The following CAMK4 variants were observed in gnomAD, a reference collection of about 807,000 sequenced individuals.
The protein encoded by CAMK4 is calcium/calmodulin dependent protein kinase IV, also known as calcium/calmodulin-dependent protein kinase type IV.
CAMK4 carries 22 observed loss-of-function variants against 44.9 expected under a neutral mutation model. The observed-to-expected ratio is 0.49, with a 90% CI of 0.35 to 0.70. The LOEUF (loss-of-function observed/expected upper bound fraction) is 0.70, where lower values mean the gene tolerates loss of function less well. CAMK4 is among the 30% of genes least tolerant of loss of function. CAMK4 has a pLI of 0.01. For missense variants in CAMK4, 498 were observed against 586.8 expected (o/e 0.85, Z 1.56); for synonymous variants, 218 against 215.4 (o/e 1.01, Z -0.11).
chr5:111,438,623 G>A (rs1333451479), intron 5 of CAMK4, among the ~76,000 whole-genome samples: 2 of 152,016 alleles, frequency 1.3e-5, no homozygotes, highest in Non-Finnish European at 2.9e-5. Context: ...AGTAGCAGAA[G>A]GAAAGAGTAG....
intron 1 of CAMK4, among the ~76,000 whole-genome samples, chr5:111,263,957 C>T (rs917987894): frequency 6.6e-6 from 1 of 152,178 alleles, no homozygotes; most frequent in African/African-American, 2.4e-5. Context: ...CTCACCTCTT[C>T]CCATTCTTCC....
intron 1 of CAMK4, among the ~76,000 whole-genome samples, chr5:111,295,873 A>G (rs1355753792): frequency 2.0e-5 from 3 of 152,224 alleles, no homozygotes; most frequent in Non-Finnish European, 2.9e-5. Context: ...GTTGAAGCAT[A>G]TAACAAAAAT....
chr5:111,417,751 C>T (rs1300716832), intron 5 of CAMK4, among the ~76,000 whole-genome samples: 6 of 152,056 alleles, frequency 3.9e-5, no homozygotes, highest in Non-Finnish European at 7.4e-5. Context: ...ATAAGATCTC[C>T]GTGACAAATG....
At chr5:111,253,393 C>T (rs973182314) in intron 1 of CAMK4, among the ~76,000 whole-genome samples, 14 of 152,198 alleles carry the variant, frequency 9.2e-5, no homozygotes, top group Admixed American at 7.2e-4. Context: ...GGAGGAGAGA[C>T]ATTTCCAGTT....
intron 4 of CAMK4, among the ~76,000 whole-genome samples, chr5:111,392,035 A>G (rs1172589666): frequency 1.0e-5 from 1 of 98,392 alleles, no homozygotes; most frequent in Non-Finnish European, 2.0e-5. Context: ...CAAGAAGTTT[A>G]TCTTTTTCAA....
intron 7 of CAMK4, among the ~76,000 whole-genome samples, chr5:111,471,175 A>G (rs749567823): frequency 2.6e-5 from 4 of 152,178 alleles, no homozygotes; most frequent in Non-Finnish European, 4.4e-5. Context: ...TTTTGTCTGC[A>G]TCGATCTGGA....
chr5:111,466,348 A>G (rs999509280), intron 7 of CAMK4, among the ~76,000 whole-genome samples: 1 of 152,200 alleles, frequency 6.6e-6, no homozygotes, highest in Non-Finnish European at 1.5e-5. Context: ...AGTCCTAGCC[A>G]GAGCAATCAG....
At chr5:111,376,604 G>A (rs1334041943) in intron 3 of CAMK4, among the ~76,000 whole-genome samples, 1 of 151,950 alleles carries the variant, frequency 6.6e-6, no homozygotes, top group Non-Finnish European at 1.5e-5. Context: ...TGTTTCCAAG[G>A]CAGACATCTT....
At chr5:111,459,871 A>G (rs909934487) in intron 7 of CAMK4, among the ~76,000 whole-genome samples, 1 of 151,738 alleles carries the variant, frequency 6.6e-6, no homozygotes, top group Admixed American at 6.6e-5. Context: ...TTTTAATGTA[A>G]TGGTAATCCT....
rs565156029 is a variant in CAMK4 at position 111,271,209 on chromosome 5, G to A, written c.161+46565G>A. ...AAACCATATCAATGAGTATGTCAGTGGAACACGTATCTGGTAATATTTAAG... is the reference window on the plus strand; with the variant it reads ...AAACCATATCAATGAGTATGTCAGTAGAACACGTATCTGGTAATATTTAAG... On this transcript the variant is annotated intron_variant, in intron 1 of 10. Transcript: ENST00000282356. 2.0e-5 allele frequency among the ~76,000 whole-genome samples: 3 copies of A among 152,154 alleles called. No homozygotes were observed. The South Asian group carries it at 6.2e-4, about 32-fold the overall frequency.
intron 1 of CAMK4, among the ~76,000 whole-genome samples, chr5:111,318,847 A>G (rs1748542271): frequency 6.6e-6 from 1 of 152,166 alleles, no homozygotes; most frequent in Non-Finnish European, 1.5e-5. Flanking sequence ...TAATTTTATC[A>G]GTCTTATGAT....
chr5:111,418,684 C>T (rs1163476810), intron 5 of CAMK4, among the ~76,000 whole-genome samples: 2 of 142,260 alleles, frequency 1.4e-5, no homozygotes, highest in East Asian at 4.4e-4. Flanking sequence ...TGAGTGAGAA[C>T]ATGCGGTGTT....
chr5:111,365,041 AC>A (rs1452514542), intron 2 of CAMK4: 1 of 152,170 alleles, frequency 6.6e-6, no homozygotes, highest in Non-Finnish European at 1.5e-5. Flanking sequence ...GCCTAAACTC[AC>A]ACTGAAAAAT....
chr5:111,245,846 ACCTATC>A (rs1749210526), intron 1 of CAMK4, among the ~76,000 whole-genome samples: 2 of 152,226 alleles, frequency 1.3e-5, no homozygotes, highest in Non-Finnish European at 2.9e-5. Flanking sequence ...ATGTGAACAA[ACCTATC>A]AGCCACAGGA....
intron 1 of CAMK4, among the ~76,000 whole-genome samples, chr5:111,327,371 G>A (rs1390500193): frequency 6.6e-6 from 1 of 151,778 alleles, no homozygotes; most frequent in Admixed American, 6.6e-5. Context: ...GTATTCCATG[G>A]TGTATATGTG....
At chr5:111,442,001 G>A (rs1479767048) in intron 5 of CAMK4, among the ~76,000 whole-genome samples, 1 of 152,138 alleles carries the variant, frequency 6.6e-6, no homozygotes, top group African/African-American at 2.4e-5. Context: ...GATGATATTA[G>A]AAGTGTGTAT....
chr5:111,275,094 A>G (rs1431141895), intron 1 of CAMK4, among the ~76,000 whole-genome samples: 1 of 152,194 alleles, frequency 6.6e-6, no homozygotes, highest in Non-Finnish European at 1.5e-5. Context: ...TCAGACTAAC[A>G]TATCCATCAC....
At chr5:111,331,609 C>G (rs1749170622) in intron 1 of CAMK4, among the ~76,000 whole-genome samples, 1 of 151,678 alleles carries the variant, frequency 6.6e-6, no homozygotes, top group Non-Finnish European at 1.5e-5. Flanking sequence ...TTGTTAGTCC[C>G]TATCCATCTT....
At chr5:111,270,121 G>A (rs1365273290) in intron 1 of CAMK4, 2 of 152,196 alleles carry the variant, frequency 1.3e-5, no homozygotes, top group African/African-American at 4.8e-5. Flanking sequence ...CGCTTCCATG[G>A]TGTTATACTG....
Sources: allele counts gnomAD v4.1 joint callset (sites outside exome capture counted in the v4.1 genomes callset), GRCh38; gene constraint gnomAD v4.1.1; transcripts MANE v1.5; gene names NCBI Gene and HGNC (gene_info 2026-07-23, HGNC 2026-07-21).